Variants in ZBTB20 observed in about 807,000 individuals in gnomAD.
ZBTB20 encodes zinc finger and BTB domain containing 20.
In ZBTB20, 9 loss-of-function variants were observed where a neutral mutation model predicts 56.9. The observed-to-expected ratio is 0.16, with a 90% CI of 0.10 to 0.28. The LOEUF (loss-of-function observed/expected upper bound fraction) is 0.28. Among genes scored for constraint, ZBTB20 ranks in the 10% least tolerant of loss-of-function variants. The pLI, the probability that ZBTB20 is intolerant of heterozygous loss-of-function variation, is 1.00. For missense variants in ZBTB20, 655 were observed against 1,003.0 expected (o/e 0.65, Z 4.69); for synonymous variants, 417 against 420.7 (o/e 0.99, Z 0.11).
chr3:114,864,594 A>G (rs1576156733), intron 4 of ZBTB20, among the ~76,000 whole-genome samples: 1 of 152,106 alleles, frequency 6.6e-6, no homozygotes, highest in South Asian at 2.1e-4. Context: ...TGTTTACCAT[A>G]AAAATTTTCA....
chr3:114,390,042 T>C (rs552233973), intron 7 of ZBTB20, among the ~76,000 whole-genome samples: 5 of 152,196 alleles, frequency 3.3e-5, no homozygotes, highest in Non-Finnish European at 7.3e-5. Flanking sequence ...GAGTTATTCC[T>C]CCTGTCTAAC....
chr3:114,776,924 G>A (rs2069647641), intron 5 of ZBTB20, among the ~76,000 whole-genome samples: 1 of 152,118 alleles, frequency 6.6e-6, no homozygotes, highest in Admixed American at 6.5e-5. Context: ...ATGCTGGTTT[G>A]CATTTTTTAT....
intron 6 of ZBTB20, among the ~76,000 whole-genome samples, chr3:114,564,649 T>C (rs914295050): frequency 2.6e-5 from 4 of 152,224 alleles, no homozygotes; most frequent in Non-Finnish European, 4.4e-5. Flanking sequence ...TTGTCCTTTT[T>C]GAGCATTCAT....
intron 6 of ZBTB20, among the ~76,000 whole-genome samples, chr3:114,563,456 A>C (rs1325705034): frequency 6.6e-6 from 1 of 152,222 alleles, no homozygotes; most frequent in Non-Finnish European, 1.5e-5. Flanking sequence ...GAATGTTTAA[A>C]TGAGATAACA....
At position 114,708,554 on chromosome 3, in the gene ZBTB20, CT is replaced by C. The variant is rs2063857037; in HGVS notation, c.-342-14980del. Among the ~76,000 whole-genome samples, 12 of 152,238 alleles carry C rather than the reference CT, an allele frequency of 7.9e-5. No individual in the cohort carries two copies. In the South Asian group the frequency reaches 2.5e-3, roughly 32 times the overall value. The stretch of plus-strand genomic sequence containing the variant: ...AATTGTGAAAGACTGGTAACCTTGT[CT>C]GACAATAGAGAGTTGATTAAATAAA... On this transcript the variant is annotated intron_variant, in intron 5 of 11. Coordinates refer to ENST00000675478, the MANE Select transcript of ZBTB20 (RefSeq NM_001348800.3).
intron 6 of ZBTB20, among the ~76,000 whole-genome samples, chr3:114,619,926 C>T (rs980788398): frequency 6.6e-6 from 1 of 152,182 alleles, no homozygotes; most frequent in African/African-American, 2.4e-5. Flanking sequence ...CTTTCCATAA[C>T]TGACATCAGC....
At chr3:114,542,124 T>C (rs1211501995) in intron 6 of ZBTB20, among the ~76,000 whole-genome samples, 1 of 152,180 alleles carries the variant, frequency 6.6e-6, no homozygotes, top group East Asian at 1.9e-4. Flanking sequence ...TAGGTATTTG[T>C]TTATAGCCTA....
In ZBTB20 at chr3:114,334,467, T is replaced by C. The variant is rs1277971177; in HGVS notation, c.*4538A>G. On this transcript the variant is annotated 3_prime_UTR_variant, in exon 12 of 12. Coordinates refer to ENST00000675478, the MANE Select transcript of ZBTB20 (RefSeq NM_001348800.3). ...ACAGACAGGACAGCTGGTGTTCCTGTGTGAGGGAAGTACACATAGCTCAAG... is the reference window on the plus strand; with the variant it reads ...ACAGACAGGACAGCTGGTGTTCCTGCGTGAGGGAAGTACACATAGCTCAAG... 6.6e-6 allele frequency: 1 copy of C among 152,208 alleles called. No homozygotes were observed. The highest frequency in any genetic ancestry group is 1.5e-5 in the Non-Finnish European group (1 of 68,040). The allele number at this position is 152,208 out of a possible 1,614,324, so 9.4% of individuals were successfully genotyped here.
At chr3:114,551,282 G>T (rs1252179046) in intron 6 of ZBTB20, among the ~76,000 whole-genome samples, 1 of 152,170 alleles carries the variant, frequency 6.6e-6, no homozygotes, top group Non-Finnish European at 1.5e-5. Context: ...TTTGCGTAAC[G>T]ATATTTACTG....
intron 6 of ZBTB20, among the ~76,000 whole-genome samples, chr3:114,621,687 G>T (rs549913804): frequency 1.3e-5 from 2 of 152,026 alleles, no homozygotes; most frequent in African/African-American, 4.8e-5. Context: ...AAATATGCAC[G>T]CAAGAAAATA....
At chr3:114,801,292 CTTTTCTTT>C (rs2108840862) in intron 4 of ZBTB20, 118 bp from the exon 5 acceptor site, 1 of 113,692 alleles carries the variant, frequency 8.8e-6, no homozygotes, top group Admixed American at 1.1e-4. Flanking sequence ...TCAAGCGTGG[CTTTTCTTT>C]TTTTCTTTTT....
intron 4 of ZBTB20, among the ~76,000 whole-genome samples, chr3:114,875,508 T>C (rs191804634): frequency 7.7e-4 from 117 of 152,240 alleles, no homozygotes; most frequent in Non-Finnish European, 1.4e-3. Context: ...ATTTTACCCA[T>C]GTTAAAATGG....
chr3:114,445,134 C>T (rs1215356760), intron 7 of ZBTB20, among the ~76,000 whole-genome samples: 1 of 152,160 alleles, frequency 6.6e-6, no homozygotes, highest in Non-Finnish European at 1.5e-5. Flanking sequence ...AACAATTACA[C>T]TTACATAAAT....
intron 4 of ZBTB20, among the ~76,000 whole-genome samples, chr3:114,889,804 A>G (rs1245721484): frequency 2.4e-4 from 36 of 152,090 alleles, no homozygotes; most frequent in Admixed American, 2.4e-3. Flanking sequence ...TGCTCTACTC[A>G]AGGTGTAGAG....
In ZBTB20 at chr3:114,587,157, C is replaced by T. The variant is rs569751689; in HGVS notation, c.-294-86766G>A. On this transcript the variant is annotated intron_variant, in intron 6 of 11. Coordinates refer to ENST00000675478, the MANE Select transcript of ZBTB20 (RefSeq NM_001348800.3). ...GACTACAGGCACCCACCACCACACC[C>T]GGCTAATTTTTGTATTTTTAGTAGA... Among the ~76,000 whole-genome samples, 29 of 151,930 alleles carry T rather than the reference C, an allele frequency of 1.9e-4. No individual in the cohort carries two copies. The South Asian group carries it at 5.0e-3, about 26-fold the overall frequency.
At chr3:114,544,695 G>C (rs2049648330) in intron 6 of ZBTB20, among the ~76,000 whole-genome samples, 1 of 151,650 alleles carries the variant, frequency 6.6e-6, no homozygotes, top group African/African-American at 2.4e-5. Flanking sequence ...TGTAGAGATG[G>C]GGTTTTGCCA....
intron 7 of ZBTB20, among the ~76,000 whole-genome samples, chr3:114,436,660 T>C (rs918264028): frequency 6.6e-5 from 10 of 152,222 alleles, no homozygotes; most frequent in Non-Finnish European, 1.3e-4. Context: ...CCCTTTGCTA[T>C]CATACTGGGT....
chr3:114,451,314 G>C (rs550279112), intron 7 of ZBTB20, among the ~76,000 whole-genome samples: 1 of 152,156 alleles, frequency 6.6e-6, no homozygotes, highest in African/African-American at 2.4e-5. Context: ...CTCAGCACAG[G>C]TGTTTCCTAA....
At chr3:114,862,777 T>A (rs1188086862) in intron 4 of ZBTB20, among the ~76,000 whole-genome samples, 1 of 152,192 alleles carries the variant, frequency 6.6e-6, no homozygotes, top group Admixed American at 6.5e-5. Flanking sequence ...AAACACAACC[T>A]GTTTGTAAGT....
Sources: gnomAD v4.1 joint callset for allele counts (sites outside exome capture counted in the v4.1 genomes callset) on GRCh38, gnomAD v4.1.1 for gene constraint, MANE v1.5 for transcripts, NCBI Gene and HGNC (gene_info 2026-07-23, HGNC 2026-07-21) for gene names.